Variants in ROBO2 observed in about 807,000 individuals in gnomAD.
ROBO2 encodes the protein roundabout homolog 2.
Under a neutral mutation model 160.8 loss-of-function variants are expected in ROBO2, and 53 were observed. The observed-to-expected ratio is 0.33, with a 90% CI of 0.26 to 0.41. ROBO2 has a LOEUF of 0.41. Ranked by LOEUF, ROBO2 falls within the 10% of genes least tolerant of loss-of-function variation. The pLI, the probability that ROBO2 is intolerant of heterozygous loss-of-function variation, is 1.00. For missense variants in ROBO2, 1,577 were observed against 1,722.4 expected, an observed-to-expected ratio of 0.92 and a Z score of 1.49; for synonymous variants, 664 against 611.7, an observed-to-expected ratio of 1.09 and a Z score of -1.26.
chr3:76,748,024 A>G (rs1287292958), intron 2 of ROBO2, among the ~76,000 whole-genome samples: 2 of 151,246 alleles, frequency 1.3e-5, no homozygotes, highest in African/African-American at 2.4e-5. Context: ...AGAGTTAATG[A>G]ACATAGTAAG....
chr3:76,195,690 C>A (rs927774124), intron 2 of ROBO2, among the ~76,000 whole-genome samples: 1 of 152,154 alleles, frequency 6.6e-6, no homozygotes, highest in Non-Finnish European at 1.5e-5. Context: ...TTAAACAGTT[C>A]AAGTTGTCAA....
intron 2 of ROBO2, among the ~76,000 whole-genome samples, chr3:76,393,942 G>A (rs946929727): frequency 1.3e-5 from 2 of 152,052 alleles, no homozygotes; most frequent in African/African-American, 4.8e-5. Flanking sequence ...GGGTGTAGAG[G>A]GAAAGAAAAA....
At chr3:77,057,223 A>G (rs2065841762) in intron 1 of ROBO2, among the ~76,000 whole-genome samples, 1 of 152,150 alleles carries the variant, frequency 6.6e-6, no homozygotes, top group African/African-American at 2.4e-5. Flanking sequence ...AGAAAACCAA[A>G]CACCGCATGT....
At chr3:76,776,133 A>G (rs543987133) in intron 2 of ROBO2, among the ~76,000 whole-genome samples, 4 of 150,940 alleles carry the variant, frequency 2.7e-5, no homozygotes, top group African/African-American at 4.8e-5. Flanking sequence ...TTGAGATTCT[A>G]ACCAAAGCAA....
chr3:76,287,053 C>A (rs900693380), intron 2 of ROBO2, among the ~76,000 whole-genome samples: 3 of 152,072 alleles, frequency 2.0e-5, no homozygotes, highest in African/African-American at 7.2e-5. Flanking sequence ...CCTAGCTAAG[C>A]AAAAATATAA....
chr3:76,141,159 C>CTATATATATATATATATATA (rs55778369), intron 2 of ROBO2, among the ~76,000 whole-genome samples: 4 of 9,170 alleles, frequency 4.4e-4, no homozygotes, highest in Non-Finnish European at 5.4e-4. Context: ...CTCTCTCTCT[C>CTATATATATATATATATATA]TATATATATA....
At chr3:76,741,121 G>A (rs945963979) in intron 2 of ROBO2, among the ~76,000 whole-genome samples, 1 of 151,932 alleles carries the variant, frequency 6.6e-6, no homozygotes, top group African/African-American at 2.4e-5. Context: ...TGCTTTGGTG[G>A]GGACTCGGTT....
chr3:76,491,392 T>C (rs999383236), intron 2 of ROBO2, among the ~76,000 whole-genome samples: 4 of 152,196 alleles, frequency 2.6e-5, no homozygotes, highest in Non-Finnish European at 5.9e-5. Context: ...CTCATTCTAC[T>C]TATAAACCCA....
At chr3:76,483,310 A>ATTT (rs72581396) in intron 2 of ROBO2, among the ~76,000 whole-genome samples, 49 of 148,878 alleles carry the variant, frequency 3.3e-4, no homozygotes, top group Non-Finnish European at 4.9e-4. Flanking sequence ...AACTGTCATT[A>ATTT]TTTTTTTTTT....
At chr3:76,302,602 T>C (rs2107744754) in intron 2 of ROBO2, among the ~76,000 whole-genome samples, 1 of 152,238 alleles carries the variant, frequency 6.6e-6, no homozygotes, top group Admixed American at 6.5e-5. Context: ...ACCATATTTT[T>C]CCTCTACTCT....
Position 77,486,718 on chromosome 3 carries a change from C to T in ROBO2, c.667+5499C>T, listed in dbSNP as rs55759397. ...ATTTTCTCCCGTTGTGTAGGTTGTC[C>T]GTTCACTCTGATAGTTTCTTTTGCT... On this transcript the variant is annotated intron_variant, in intron 4 of 25. Transcript: ENST00000461745. 8.1e-3 allele frequency among the ~76,000 whole-genome samples: 1,227 copies of T among 151,922 alleles called. 8 individuals carry two copies. Among genetic ancestry groups the T allele is most frequent in the Non-Finnish European group, 0.014 (946 of 67,888 alleles).
At chr3:76,023,200 A>G (rs1306777184) in intron 2 of ROBO2, among the ~76,000 whole-genome samples, 2 of 151,680 alleles carry the variant, frequency 1.3e-5, no homozygotes, top group African/African-American at 4.8e-5. Context: ...CATTCTTCAT[A>G]TCAGCGACAA....
chr3:76,071,688 G>T (rs1559887467), intron 2 of ROBO2, among the ~76,000 whole-genome samples: 1 of 152,034 alleles, frequency 6.6e-6, no homozygotes, highest in Non-Finnish European at 1.5e-5. Flanking sequence ...ATTAAGGAAT[G>T]ATATTGTCAT....
At chr3:76,938,971 CA>C (rs71629626) in intron 2 of ROBO2, among the ~76,000 whole-genome samples, 393 of 114,458 alleles carry the variant, frequency 3.4e-3, no homozygotes, top group African/African-American at 6.5e-3. Flanking sequence ...AACTCAGTCT[CA>C]AAAAAAAAAA....
intron 2 of ROBO2, among the ~76,000 whole-genome samples, chr3:76,194,095 A>G (rs1702131213): frequency 6.6e-6 from 1 of 151,880 alleles, no homozygotes; most frequent in African/African-American, 2.4e-5. Context: ...TATTATTAAA[A>G]CAAGAATTGA....
At chr3:76,016,175 T>C (rs1191836993) in intron 2 of ROBO2, among the ~76,000 whole-genome samples, 1 of 152,096 alleles carries the variant, frequency 6.6e-6, no homozygotes, top group East Asian at 1.9e-4. Flanking sequence ...TAAACATGGA[T>C]TCATATGTTA....
intron 2 of ROBO2, among the ~76,000 whole-genome samples, chr3:76,217,128 A>G (rs1703597856): frequency 6.6e-6 from 1 of 152,218 alleles, no homozygotes; most frequent in Non-Finnish European, 1.5e-5. Flanking sequence ...CAAAGAAGAC[A>G]CAACATACCA....
intron 2 of ROBO2, among the ~76,000 whole-genome samples, chr3:76,860,891 T>C (rs1050636174): frequency 6.6e-6 from 1 of 152,142 alleles, no homozygotes; most frequent in African/African-American, 2.4e-5. Flanking sequence ...TGCACTTATT[T>C]AAAGTGTGTG....
intron 2 of ROBO2, among the ~76,000 whole-genome samples, chr3:76,929,869 A>G (rs1175468790): frequency 1.3e-5 from 2 of 152,142 alleles, no homozygotes; most frequent in African/African-American, 4.8e-5. Flanking sequence ...ATCTCAGGGA[A>G]AAGGCTAAGG....
Sources: gnomAD v4.1 joint callset for allele counts (sites outside exome capture counted in the v4.1 genomes callset) on GRCh38, gnomAD v4.1.1 for gene constraint, MANE v1.5 for transcripts, NCBI Gene and HGNC (gene_info 2026-07-23, HGNC 2026-07-21) for gene names.